PCDHA6: variants seen among roughly 807,000 people sequenced by gnomAD.
The protein encoded by PCDHA6 is protocadherin alpha 6, also known as protocadherin alpha-6.
Under a neutral mutation model 60.3 loss-of-function variants are expected in PCDHA6, and 55 were observed. The observed-to-expected ratio is 0.91, with a 90% CI of 0.73 to 1.14. The LOEUF (loss-of-function observed/expected upper bound fraction) is 1.14. PCDHA6 is among the 50% of genes most tolerant of loss of function. PCDHA6 has a pLI of 0.00. For synonymous variants in PCDHA6, 652 were observed against 557.9 expected (o/e 1.17, Z -2.38); for missense variants, 1,327 against 1,256.5 (o/e 1.06, Z -0.85).
intron 1 of PCDHA6, chr5:140,860,355 TG>T (rs1218123475): frequency 1.3e-5 from 2 of 152,074 alleles, no homozygotes; most frequent in African/African-American, 2.4e-5. Context: ...CACTCCAGCC[TG>T]GATGACAAAG....
chr5:140,869,184 G>A (rs1554162580), intron 1 of PCDHA6: 44 of 1,613,836 alleles, frequency 2.7e-5, no homozygotes, highest in Non-Finnish European at 3.7e-5. Flanking sequence ...GGGAGGTGGG[G>A]AGCGGCCAGC....
chr5:140,831,444 C>T (rs1029779683), intron 1 of PCDHA6, among the ~76,000 whole-genome samples: 11 of 151,230 alleles, frequency 7.3e-5, no homozygotes, highest in Admixed American at 1.3e-4. Context: ...ACTGCACCCT[C>T]GAATGCCTGG....
intron 1 of PCDHA6, among the ~76,000 whole-genome samples, chr5:140,888,064 G>A (rs1353857736): frequency 6.6e-6 from 1 of 151,950 alleles, no homozygotes; most frequent in Non-Finnish European, 1.5e-5. Context: ...TAACTTTCTT[G>A]TCTGCTAATT....
chr5:141,010,949 C>T lies in PCDHA6; in HGVS notation c.*1012C>T, dbSNP rs1554263219. The T allele has an allele frequency of 6.5e-6, 1 of 153,762 alleles. No individual in the cohort carries two copies. Among genetic ancestry groups the T allele is most frequent in the African/African-American group, 2.4e-5 (1 of 41,442 alleles). 9.5% of individuals were successfully genotyped at this position (153,762 alleles called of 1,614,324 possible). On this transcript the variant is annotated 3_prime_UTR_variant, in exon 4 of 4. Transcript: ENST00000529310. ...TTCAGTCTACAGCCATTTAAATGAT[C>T]ATTGCTGCTACAGAAGTGCTTTAAG...
chr5:140,857,724 A>G (rs1277501257), intron 1 of PCDHA6: 1 of 1,597,434 alleles, frequency 6.3e-7, no homozygotes, highest in Admixed American at 1.7e-5. Context: ...GACGAGAACG[A>G]CAACGCTCCC....
chr5:140,938,293 C>T (rs896897734), intron 1 of PCDHA6, among the ~76,000 whole-genome samples: 2 of 152,110 alleles, frequency 1.3e-5, no homozygotes, highest in African/African-American at 4.8e-5. Flanking sequence ...CTGTCATTGC[C>T]TATGAAATTC....
intron 1 of PCDHA6, among the ~76,000 whole-genome samples, chr5:140,889,878 A>G (rs1456816812): frequency 6.6e-6 from 1 of 152,178 alleles, no homozygotes; most frequent in African/African-American, 2.4e-5. Flanking sequence ...GCCTGCCACC[A>G]TGTAAGAATT....
chr5:140,974,994 A>C (rs901871984), intron 1 of PCDHA6, among the ~76,000 whole-genome samples: 8 of 152,126 alleles, frequency 5.3e-5, no homozygotes, highest in African/African-American at 1.9e-4. Flanking sequence ...AGGTATTCTC[A>C]AGGCTGAAAT....
At chr5:140,967,453 C>T in intron 1 of PCDHA6, 1 of 1,613,556 alleles carries the variant, frequency 6.2e-7, no homozygotes, top group South Asian at 1.1e-5. Context: ...TTCTCACAGC[C>T]GTGGATGGGG....
rs1231451796 is a variant in PCDHA6, at chr5:140,869,049, G to T, written c.2394+38564G>T. On this transcript the variant is annotated intron_variant, in intron 1 of 3. Coordinates refer to ENST00000529310, the MANE Select transcript of PCDHA6 (RefSeq NM_018909.4). ...ACGAGATTTTTAACCTGAAACTGAA[G>T]AATCTGGTACTGTAAGTGTAAAGAA... 1.1e-5 allele frequency: 17 copies of T among 1,532,472 alleles called. No homozygotes were observed. The South Asian group carries it at 2.1e-4, about 19-fold the overall frequency. 94.9% of individuals were successfully genotyped at this position (1,532,472 alleles called of 1,614,324 possible).
intron 1 of PCDHA6, among the ~76,000 whole-genome samples, chr5:140,844,013 C>A (rs1015377164): frequency 2.0e-5 from 3 of 149,622 alleles, no homozygotes; most frequent in Non-Finnish European, 3.0e-5. Flanking sequence ...ACTCTAAGGA[C>A]GTTCAGGGCA....
chr5:140,973,513 A>G (rs2096591492), intron 1 of PCDHA6, among the ~76,000 whole-genome samples: 1 of 151,864 alleles, frequency 6.6e-6, no homozygotes, highest in Non-Finnish European at 1.5e-5. Context: ...GAAAAAGTTT[A>G]TTTTCTTTGG....
At chr5:140,987,292 T>G (rs2097246000) in intron 3 of PCDHA6, among the ~76,000 whole-genome samples, 1 of 152,134 alleles carries the variant, frequency 6.6e-6, no homozygotes, top group African/African-American at 2.4e-5. Context: ...TTAACAAGCC[T>G]TCTATGTGAT....
At chr5:140,850,307 C>T (rs2150478733) in intron 1 of PCDHA6, 1 of 1,597,050 alleles carries the variant, frequency 6.3e-7, no homozygotes, top group Non-Finnish European at 8.6e-7. Flanking sequence ...CGGGCTACAA[C>T]GCGTGGCTTT....
rs2150167101 is a variant in PCDHA6 at position 140,829,396 on chromosome 5, G to A, written c.1305G>A (p.Leu435=). Residue 435 remains leucine (L), a synonymous_variant, in exon 1 of 4, where the codon CTG becomes CTA. Transcript: ENST00000529310. The part of the protein sequence containing the change: ...VTARDGGSPS[L]WATASLSVEV... ...CGCGGGACGGGGGCTCGCCTTCGCTGTGGGCCACCGCCAGCTTGTCTGTGG... is the reference window on the plus strand; with the variant it reads ...CGCGGGACGGGGGCTCGCCTTCGCTATGGGCCACCGCCAGCTTGTCTGTGG... 1 of 1,614,172 alleles carries A rather than the reference G, an allele frequency of 6.2e-7. No homozygotes were observed.
chr5:140,830,075 A>ACC lies in PCDHA6; in HGVS notation c.1985_1986insCC (p.Ala663ArgfsTer39). 6.2e-7 allele frequency: 1 copy of ACC among 1,613,594 alleles called. No homozygotes were observed. Among genetic ancestry groups the ACC allele is most frequent in the Non-Finnish European group, 8.5e-7 (1 of 1,179,838 alleles). On this transcript the variant is annotated frameshift_variant, in exon 1 of 4. Transcript: ENST00000529310. LOFTEE classifies it high-confidence loss of function. ...CCACGGTGAGCCGGCGCTGACAGCG[A>ACC]CGGCCACGGTTCTGGTGTCGCTGGT...
At chr5:140,960,483 T>G (rs1554224788) in intron 1 of PCDHA6, among the ~76,000 whole-genome samples, 1 of 151,978 alleles carries the variant, frequency 6.6e-6, no homozygotes, top group Non-Finnish European at 1.5e-5. Flanking sequence ...TACACAGAGG[T>G]GTAGGTTTGT....
intron 1 of PCDHA6, among the ~76,000 whole-genome samples, chr5:140,954,472 G>T (rs1031225118): frequency 8.5e-5 from 13 of 152,182 alleles, no homozygotes; most frequent in Admixed American, 6.5e-5. Context: ...TCTGACTGGT[G>T]TGAGAAGATA....
chr5:140,834,539 G>A (rs1489443393), intron 1 of PCDHA6: 2 of 1,613,968 alleles, frequency 1.2e-6, no homozygotes, highest in Non-Finnish European at 1.7e-6. Flanking sequence ...CGCAGGACCT[G>A]GGGCTGGAGC....
Sources: gnomAD v4.1 joint callset for allele counts (sites outside exome capture counted in the v4.1 genomes callset) on GRCh38, gnomAD v4.1.1 for gene constraint, MANE v1.5 for transcripts, NCBI Gene and HGNC (gene_info 2026-07-23, HGNC 2026-07-21) for gene names.